Variants in SLC2A9 observed in about 807,000 individuals in gnomAD.
The protein encoded by SLC2A9 is solute carrier family 2, facilitated glucose transporter member 9.
SLC2A9 carries 39 observed loss-of-function variants against 50.6 expected under a neutral mutation model. The ratio of observed to expected loss-of-function variants is 0.77; its 90% CI spans 0.60 to 1.01. The LOEUF (loss-of-function observed/expected upper bound fraction) is 1.01, where lower values mean the gene tolerates loss of function less well. SLC2A9 is among the 50% of genes least tolerant of loss of function. The pLI is 0.00. For missense variants in SLC2A9, 686 were observed against 677.6 expected (o/e 1.01, Z -0.14); for synonymous variants, 324 against 276.9 (o/e 1.17, Z -1.69).
chr4:9,853,336 A>C (rs1040171384), intron 10 of SLC2A9, among the ~76,000 whole-genome samples: 2 of 152,164 alleles, frequency 1.3e-5, no homozygotes, highest in Non-Finnish European at 2.9e-5. Context: ...AACAGAAAAA[A>C]ATCAGGGGGT....
At chr4:9,846,523 G>A (rs975863462) in intron 10 of SLC2A9, among the ~76,000 whole-genome samples, 2 of 152,148 alleles carry the variant, frequency 1.3e-5, no homozygotes, top group Non-Finnish European at 2.9e-5. Flanking sequence ...ACTCTCAGTG[G>A]GCTCCTCTGG....
chr4:10,038,506 C>CAAAAAAAAAAAA (rs35698968), intron 1 of SLC2A9, among the ~76,000 whole-genome samples: 1 of 49,432 alleles, frequency 2.0e-5, no homozygotes, highest in African/African-American at 8.8e-5. Context: ...GACTCTGTCT[C>CAAAAAAAAAAAA]AAAAAAAAAA....
At chr4:9,788,697 TG>T (rs1051630362) in intron 3 of SLC2A9, among the ~76,000 whole-genome samples, 4 of 152,184 alleles carry the variant, frequency 2.6e-5, no homozygotes, top group African/African-American at 9.6e-5. Flanking sequence ...CTCAGTGAGC[TG>T]GGGGTATCCA....
At chr4:9,856,053 G>A (rs1400257822) in intron 10 of SLC2A9, among the ~76,000 whole-genome samples, 1 of 152,132 alleles carries the variant, frequency 6.6e-6, no homozygotes, top group East Asian at 1.9e-4. Flanking sequence ...CATAGGCCCT[G>A]GCACAGATTT....
rs187318098 is a variant in SLC2A9 at position 9,945,420 on chromosome 4, C to T, written c.682-3375G>A. 6.6e-5 allele frequency among the ~76,000 whole-genome samples: 10 copies of T among 152,222 alleles called. No homozygotes were observed. The East Asian group carries it at 1.7e-3, about 27-fold the overall frequency. ...CAACAGGAAAGAGTGGCTTTTATTACTAAGCACATTGGATAGTTCATCTCT... is the reference window on the plus strand; with the variant it reads ...CAACAGGAAAGAGTGGCTTTTATTATTAAGCACATTGGATAGTTCATCTCT... On this transcript the variant is annotated intron_variant, in intron 5 of 11. Transcript: ENST00000264784.
exon 4 of SLC2A9, chr4:9,779,841 A>C (rs1718098385): frequency 6.6e-6 from 1 of 152,174 alleles, no homozygotes. Context: ...TTGCTGAATA[A>C]AAGAATGAAT....
chr4:9,804,117 G>C (rs1025945328), intron 3 of SLC2A9, among the ~76,000 whole-genome samples: 1 of 152,208 alleles, frequency 6.6e-6, no homozygotes, highest in Non-Finnish European at 1.5e-5. Context: ...TACATGAACA[G>C]ATGATAAAAA....
intron 11 of SLC2A9, among the ~76,000 whole-genome samples, chr4:9,834,187 C>G (rs865990387): frequency 1.3e-5 from 2 of 152,212 alleles, no homozygotes; most frequent in Non-Finnish European, 2.9e-5. Context: ...ACGGTCACCT[C>G]CTTCCAGAGC....
intron 3 of SLC2A9, among the ~76,000 whole-genome samples, chr4:9,810,721 C>G (rs558944804): frequency 6.6e-6 from 1 of 152,346 alleles, no homozygotes; most frequent in African/African-American, 2.4e-5. Context: ...CATGGGTTAA[C>G]TGACATAAGT....
chr4:9,835,045 C>T (rs1459045116), intron 10 of SLC2A9, 37 bp from the exon 11 acceptor site: 3 of 1,612,000 alleles, frequency 1.9e-6, no homozygotes, highest in Non-Finnish European at 2.5e-6. Context: ...ATTAATCACT[C>T]TGAGAAGGTC....
intron 10 of SLC2A9, among the ~76,000 whole-genome samples, chr4:9,850,812 C>T (rs1168005147): frequency 6.6e-6 from 1 of 152,166 alleles, no homozygotes; most frequent in East Asian, 1.9e-4. Context: ...AATGCCACCA[C>T]TGCTGGCATG....
At chr4:9,840,026 CTA>C (rs1560176282) in intron 10 of SLC2A9, among the ~76,000 whole-genome samples, 2 of 152,092 alleles carry the variant, frequency 1.3e-5, no homozygotes, top group African/African-American at 4.8e-5. Context: ...TTAATTATCA[CTA>C]TGATATGATA....
intron 10 of SLC2A9, chr4:9,879,016 G>A: frequency 1.0e-6 from 1 of 983,654 alleles, no homozygotes; most frequent in Non-Finnish European, 1.2e-6. Flanking sequence ...TGTTTTGAAT[G>A]AATTCATGAA....
At chr4:9,959,469 A>G (rs557064243) in intron 5 of SLC2A9, among the ~76,000 whole-genome samples, 4 of 152,118 alleles carry the variant, frequency 2.6e-5, no homozygotes, top group African/African-American at 7.2e-5. Flanking sequence ...AATGGATAAT[A>G]TCTAAAGAAA....
At chr4:10,022,149 CTTT>C (rs1023740548), upstream of SLC2A9, among the ~76,000 whole-genome samples, 9 of 152,188 alleles carry the variant, frequency 5.9e-5, no homozygotes, top group African/African-American at 2.2e-4. Context: ...AACTCCTCCA[CTTT>C]TTAACTGTGT....
intron 6 of SLC2A9, among the ~76,000 whole-genome samples, chr4:9,939,867 C>T (rs1452349874): frequency 6.6e-6 from 1 of 152,124 alleles, no homozygotes; most frequent in East Asian, 1.9e-4. Context: ...TGCTGAATGT[C>T]TGGAGTAAAA....
At chr4:9,994,948 G>C (rs1249797465) in intron 3 of SLC2A9, among the ~76,000 whole-genome samples, 1 of 152,094 alleles carries the variant, frequency 6.6e-6, no homozygotes, top group Non-Finnish European at 1.5e-5. Flanking sequence ...CCATGCCTCA[G>C]GGACCCTGGC....
At chr4:9,811,735 G>A (rs1342730171) in intron 3 of SLC2A9, among the ~76,000 whole-genome samples, 2 of 152,258 alleles carry the variant, frequency 1.3e-5, no homozygotes, top group African/African-American at 2.4e-5. Flanking sequence ...AAGCCACTAA[G>A]TTTTGGGGAT....
chr4:9,877,790 G>A (rs1481406092), intron 10 of SLC2A9, among the ~76,000 whole-genome samples: 1 of 152,180 alleles, frequency 6.6e-6, no homozygotes, highest in Non-Finnish European at 1.5e-5. Context: ...GTTATCTGAT[G>A]CTCCTGCCAT....
Sources: gnomAD v4.1 joint callset for allele counts (sites outside exome capture counted in the v4.1 genomes callset) on GRCh38, gnomAD v4.1.1 for gene constraint, MANE v1.5 for transcripts, NCBI Gene and HGNC (gene_info 2026-07-23, HGNC 2026-07-21) for gene names.